EXOC4: variants seen among roughly 807,000 people sequenced by gnomAD.
EXOC4 encodes the protein exocyst complex component 4.
EXOC4 carries 71 observed loss-of-function variants against 107.2 expected under a neutral mutation model. The ratio of observed to expected loss-of-function variants is 0.66; its 90% CI spans 0.55 to 0.81. EXOC4 has a LOEUF of 0.81. EXOC4 is among the 30% of genes least tolerant of loss of function. EXOC4 has a pLI of 0.00. For synonymous variants in EXOC4, 456 were observed against 441.2 expected (o/e 1.03, Z -0.42); for missense variants, 1,108 against 1,189.6 (o/e 0.93, Z 1.01).
chr7:133,497,817 A>G (rs768693412), intron 9 of EXOC4, among the ~76,000 whole-genome samples: 1 of 152,160 alleles, frequency 6.6e-6, no homozygotes, highest in Admixed American at 6.5e-5. Flanking sequence ...TGAGGAAGAC[A>G]TGTCTATCAG....
chr7:133,464,002 G>A (rs1271703600), intron 7 of EXOC4, among the ~76,000 whole-genome samples: 1 of 152,118 alleles, frequency 6.6e-6, no homozygotes, highest in East Asian at 1.9e-4. Flanking sequence ...AGGAACTGAG[G>A]TTCTGAGGCA....
intron 11 of EXOC4, among the ~76,000 whole-genome samples, chr7:133,853,670 A>T (rs557369345): frequency 1.3e-5 from 2 of 152,138 alleles, no homozygotes; most frequent in Non-Finnish European, 2.9e-5. Flanking sequence ...ATTCCCAACC[A>T]TTGCCAGTGG....
intron 10 of EXOC4, among the ~76,000 whole-genome samples, chr7:133,797,539 A>G (rs1025750869): frequency 6.6e-6 from 1 of 152,182 alleles, no homozygotes; most frequent in African/African-American, 2.4e-5. Flanking sequence ...GGACCGCTAG[A>G]GGTCAGGGAA....
chr7:133,347,720 C>T (rs1795818393), intron 5 of EXOC4, among the ~76,000 whole-genome samples: 2 of 152,106 alleles, frequency 1.3e-5, no homozygotes, highest in Admixed American at 1.3e-4. Flanking sequence ...ACCAATATAT[C>T]CATATCTATA....
At chr7:133,794,123 A>AT in intron 10 of EXOC4, among the ~76,000 whole-genome samples, 1 of 152,186 alleles carries the variant, frequency 6.6e-6, no homozygotes, top group South Asian at 2.1e-4. Flanking sequence ...TGTCTAGTTC[A>AT]TTTTTTTGCT....
intron 2 of EXOC4, among the ~76,000 whole-genome samples, chr7:133,280,597 A>G (rs1344997125): frequency 2.6e-5 from 4 of 152,176 alleles, no homozygotes; most frequent in Non-Finnish European, 4.4e-5. Flanking sequence ...TGACCACCCT[A>G]TTGGTGCTAG....
At chr7:133,721,894 A>T (rs888299991) in intron 10 of EXOC4, among the ~76,000 whole-genome samples, 18 of 152,312 alleles carry the variant, frequency 1.2e-4, no homozygotes, top group East Asian at 9.7e-4. Flanking sequence ...TCCCTGACCC[A>T]GGAGTTTTTG....
At chr7:133,520,690 T>G (rs986628534) in intron 9 of EXOC4, among the ~76,000 whole-genome samples, 2 of 152,178 alleles carry the variant, frequency 1.3e-5, no homozygotes, top group African/African-American at 4.8e-5. Flanking sequence ...TGGTGCCATT[T>G]TTAATTTTTC....
At chr7:133,739,559 G>A (rs1338942095) in intron 10 of EXOC4, among the ~76,000 whole-genome samples, 6 of 152,176 alleles carry the variant, frequency 3.9e-5, no homozygotes, top group African/African-American at 9.7e-5. Flanking sequence ...TGAAGCAGAA[G>A]GGGGATCCAG....
chr7:133,451,615 C>T (rs929835130), intron 7 of EXOC4, among the ~76,000 whole-genome samples: 2 of 152,110 alleles, frequency 1.3e-5, no homozygotes, highest in Admixed American at 6.5e-5. Flanking sequence ...ATATTTTCCT[C>T]TCTCATCCCC....
At chr7:133,911,224 A>G (rs946860266) in intron 12 of EXOC4, among the ~76,000 whole-genome samples, 1 of 152,180 alleles carries the variant, frequency 6.6e-6, no homozygotes, top group Admixed American at 6.5e-5. Flanking sequence ...TGCTTCTCCT[A>G]TGGAATAATT....
At chr7:133,466,711 G>A (rs1798737174) in intron 7 of EXOC4, among the ~76,000 whole-genome samples, 1 of 152,128 alleles carries the variant, frequency 6.6e-6, no homozygotes, top group African/African-American at 2.4e-5. Flanking sequence ...CAAAGCCAAA[G>A]TATTATAGAA....
At chr7:133,856,981 C>T (rs1798388822) in intron 11 of EXOC4, among the ~76,000 whole-genome samples, 1 of 149,296 alleles carries the variant, frequency 6.7e-6, no homozygotes, top group Non-Finnish European at 1.5e-5. Flanking sequence ...CCTGTAGTCC[C>T]AGCTACTTGG....
intron 14 of EXOC4, among the ~76,000 whole-genome samples, chr7:133,958,740 TTC>T (rs892963920): frequency 2.0e-5 from 3 of 152,214 alleles, no homozygotes; most frequent in African/African-American, 7.2e-5. Context: ...CCTCAGATTT[TTC>T]TCTCTTACTT....
chr7:133,763,055 G>T (rs866597346), intron 10 of EXOC4, among the ~76,000 whole-genome samples: 2 of 152,120 alleles, frequency 1.3e-5, no homozygotes, highest in African/African-American at 4.8e-5. Context: ...CACATAATGC[G>T]TTTCTAACAA....
At chr7:133,990,267 C>T (rs989539098) in intron 14 of EXOC4, among the ~76,000 whole-genome samples, 11 of 130,204 alleles carry the variant, frequency 8.4e-5, no homozygotes, top group African/African-American at 2.9e-4. Flanking sequence ...TAACTTTCCC[C>T]TCCCCCCCCC....
At chr7:133,500,588 G>A (rs756431808) in intron 9 of EXOC4, among the ~76,000 whole-genome samples, 5 of 152,148 alleles carry the variant, frequency 3.3e-5, no homozygotes, top group Non-Finnish European at 5.9e-5. Context: ...TGTGAATAAT[G>A]CTGCCCTGAA....
At chr7:133,470,637 T>C (rs1798851697) in intron 7 of EXOC4, among the ~76,000 whole-genome samples, 1 of 152,294 alleles carries the variant, frequency 6.6e-6, no homozygotes, top group African/African-American at 2.4e-5. Flanking sequence ...CCTTTTAAGT[T>C]GACACACCCA....
intron 11 of EXOC4, among the ~76,000 whole-genome samples, chr7:133,857,856 C>G (rs776980133): frequency 2.6e-5 from 4 of 152,078 alleles, no homozygotes; most frequent in African/African-American, 9.7e-5. Context: ...ACCCACAGCT[C>G]GGCGGATCGG....
Sources: gnomAD v4.1 joint callset for allele counts (sites outside exome capture counted in the v4.1 genomes callset) on GRCh38, gnomAD v4.1.1 for gene constraint, MANE v1.5 for transcripts, NCBI Gene and HGNC (gene_info 2026-07-23, HGNC 2026-07-21) for gene names.